The following EPC1 variants were observed in gnomAD, a reference collection of about 807,000 sequenced individuals.
The protein encoded by EPC1 is enhancer of polycomb homolog 1.
Under a neutral mutation model 98.4 loss-of-function variants are expected in EPC1, and 12 were observed. The ratio of observed to expected loss-of-function variants is 0.12; its 90% confidence interval spans 0.08 to 0.20. The LOEUF is 0.20. Among genes scored for constraint, EPC1 ranks in the 10% least tolerant of loss-of-function variants. EPC1 has a pLI of 1.00. For missense variants in EPC1, 729 were observed against 990.5 expected (o/e 0.74, Z 3.54); for synonymous variants, 357 against 363.9 (o/e 0.98, Z 0.21).
intron 1 of EPC1, among the ~76,000 whole-genome samples, chr10:32,320,791 T>C (rs915174591): frequency 6.6e-6 from 1 of 152,042 alleles, no homozygotes; most frequent in South Asian, 2.1e-4. Flanking sequence ...TTCACTGTGT[T>C]GGCCAGGCTG....
intron 1 of EPC1, among the ~76,000 whole-genome samples, chr10:32,326,113 G>C (rs1359641690): frequency 6.6e-6 from 1 of 152,148 alleles, no homozygotes; most frequent in African/African-American, 2.4e-5. Flanking sequence ...CACACTGCAA[G>C]GAGTTGTAGG....
chr10:32,343,241 C>T (rs1838489728), intron 1 of EPC1, among the ~76,000 whole-genome samples: 1 of 152,148 alleles, frequency 6.6e-6, no homozygotes, highest in Non-Finnish European at 1.5e-5. Context: ...ACGAGTTTCG[C>T]TCTTCTTGCA....
rs149819452 is a variant in EPC1 at position 32,367,331 on chromosome 10, C to T, written c.3+11160G>A. ...TAATGTAAAGACTGGCATGAGCCAC[C>T]GTCCCCGGCCCCAAACTTTTTTAAA... On this transcript the variant is annotated intron_variant, in intron 1 of 13. Transcript: ENST00000375110. Among the ~76,000 whole-genome samples, 473 of 152,292 alleles carry T rather than the reference C, an allele frequency of 3.1e-3. 2 individuals are homozygous for T. Among genetic ancestry groups the T allele is most frequent in the African/African-American group, 0.011 (438 of 41,556 alleles).
At chr10:32,274,002 G>A (rs1279273727) in intron 10 of EPC1, 1 of 151,754 alleles carries the variant, frequency 6.6e-6, no homozygotes, top group Non-Finnish European at 1.5e-5. Context: ...AAGACACTGT[G>A]TTATGCTACT....
intron 2 of EPC1, among the ~76,000 whole-genome samples, chr10:32,297,642 T>C (rs1044348494): frequency 6.6e-6 from 1 of 152,094 alleles, no homozygotes; most frequent in Admixed American, 6.6e-5. Flanking sequence ...CCTTTAAAAA[T>C]ATTCTGATAG....
At chr10:32,360,308 C>A (rs879584656) in intron 1 of EPC1, among the ~76,000 whole-genome samples, 6 of 152,188 alleles carry the variant, frequency 3.9e-5, no homozygotes, top group African/African-American at 1.2e-4. Context: ...CTCTTTTCCT[C>A]ATTGCCAAGT....
upstream of EPC1, among the ~76,000 whole-genome samples, chr10:32,351,825 G>T (rs1223219703): frequency 1.3e-5 from 2 of 149,888 alleles, no homozygotes; most frequent in East Asian, 4.0e-4. Flanking sequence ...CCACCTCCCG[G>T]GTTCAAGTGA....
chr10:32,348,141 A>G (rs992265949), upstream of EPC1, among the ~76,000 whole-genome samples: 2 of 152,212 alleles, frequency 1.3e-5, no homozygotes, highest in Non-Finnish European at 2.9e-5. Flanking sequence ...GTAACATTGA[A>G]TCATATAAAG....
chr10:32,328,188 T>C (rs575671690), intron 1 of EPC1, among the ~76,000 whole-genome samples: 13 of 152,302 alleles, frequency 8.5e-5, no homozygotes, highest in Middle Eastern at 3.4e-3. Context: ...TTAAAACATC[T>C]GAACGGGTTA....
intron 10 of EPC1, among the ~76,000 whole-genome samples, chr10:32,280,229 C>T (rs148405123): frequency 0.092 from 13,938 of 152,144 alleles, 739 homozygotes; most frequent in Non-Finnish European, 0.11. Context: ...CTAAGGTAGG[C>T]GGATCACTTG....
rs1244479663 is a variant in EPC1 at position 32,286,755 on chromosome 10, T to C, written c.1330A>G (p.Thr444Ala). The change falls in exon 9 of 14, where the codon ACT becomes GCT. Residue 444 changes from threonine (T) to alanine (A), a missense_variant. By Grantham distance (58) the Thr-to-Ala change is moderately conservative (BLOSUM62 0). Transcript: ENST00000319778. Reference sequence around the variant, plus strand: ...ATACACCTTTGGGGTACGGTGAGAGTAGTTAAGCAGTATCTATATCGCACA... The same window carrying C: ...ATACACCTTTGGGGTACGGTGAGAGCAGTTAAGCAGTATCTATATCGCACA... The part of the protein sequence containing the change: ...GDVRYRYCLT[T>A]LTVPQRCIGF... 8 of 1,613,884 alleles carry C rather than the reference T, an allele frequency of 5.0e-6. No homozygotes were observed. In the Admixed American group the frequency reaches 1.3e-4, roughly 27 times the overall value.
chr10:32,310,202 G>A (rs1375663361), intron 1 of EPC1, among the ~76,000 whole-genome samples: 2 of 151,980 alleles, frequency 1.3e-5, no homozygotes, highest in Non-Finnish European at 2.9e-5. Context: ...CTCAAAAAAA[G>A]AAAAAATAAA....
chr10:32,348,078 C>A (rs996204310), upstream of EPC1, among the ~76,000 whole-genome samples: 4 of 152,196 alleles, frequency 2.6e-5, no homozygotes, highest in Admixed American at 2.6e-4. Flanking sequence ...GAGACTGCGG[C>A]TTCATCATAG....
At chr10:32,319,745 C>T (rs1301692147) in intron 1 of EPC1, among the ~76,000 whole-genome samples, 2 of 152,142 alleles carry the variant, frequency 1.3e-5, no homozygotes, top group Non-Finnish European at 2.9e-5. Context: ...GGCGCAATCT[C>T]GGCTCACTGC....
At position 32,346,713 on chromosome 10, in the gene EPC1, G is replaced by A. The variant is rs749390880; in HGVS notation, c.153+50C>T. On this transcript the variant is annotated intron_variant, in intron 1 of 13. Transcript: ENST00000319778. ...TGCTGCTCCGCCGCCGCCGCAGGCA[G>A]CAGAGGGAGCGGGCCTGACGGTGGG... is the stretch of plus-strand genomic sequence containing the variant. The A allele has an allele frequency of 1.6e-5, 25 of 1,557,348 alleles. No homozygotes were observed. The Middle Eastern group carries it at 5.1e-4, about 32-fold the overall frequency.
intron 1 of EPC1, among the ~76,000 whole-genome samples, chr10:32,314,780 T>C (rs1836455092): frequency 2.6e-5 from 4 of 152,236 alleles, no homozygotes; most frequent in Non-Finnish European, 5.9e-5. Context: ...AAAGCCTATC[T>C]GGAGGCATAG....
chr10:32,271,411 A>G (rs1835837351), intron 13 of EPC1, 143 bp downstream of exon 13: 2 of 951,516 alleles, frequency 2.1e-6, no homozygotes, highest in South Asian at 1.7e-5. Context: ...TCTTGAATAA[A>G]TAAGTGATCA....
intron 1 of EPC1, among the ~76,000 whole-genome samples, chr10:32,369,587 G>C (rs1173273139): frequency 6.6e-6 from 1 of 152,114 alleles, no homozygotes; most frequent in Admixed American, 6.5e-5. Flanking sequence ...GGTCATAACG[G>C]TTCTTTTAAC....
At chr10:32,338,067 C>G (rs1592614144) in intron 1 of EPC1, among the ~76,000 whole-genome samples, 1 of 152,198 alleles carries the variant, frequency 6.6e-6, no homozygotes, top group East Asian at 1.9e-4. Context: ...CCAAATTATA[C>G]ACTTCTAGCA....
Sources: gnomAD v4.1 joint callset for allele counts (sites outside exome capture counted in the v4.1 genomes callset) on GRCh38, gnomAD v4.1.1 for gene constraint, MANE v1.5 for transcripts, NCBI Gene and HGNC (gene_info 2026-07-23, HGNC 2026-07-21) for gene names.